The following SMAD3 variants were observed in gnomAD, a reference collection of about 807,000 sequenced individuals.
SMAD3 encodes SMAD family member 3.
In SMAD3, 12 loss-of-function variants were observed where a neutral mutation model predicts 51.8. The observed-to-expected ratio is 0.23, with a 90% CI of 0.15 to 0.38. The LOEUF is 0.38. SMAD3 is among the 10% of genes least tolerant of loss of function. SMAD3 has a pLI of 1.00. For synonymous variants in SMAD3, 238 were observed against 227.7 expected (o/e 1.05, Z -0.41); for missense variants, 294 against 565.6 (o/e 0.52, Z 4.87).
At chr15:67,084,233 A>G (rs11071930) in intron 1 of SMAD3, among the ~76,000 whole-genome samples, 88,029 of 150,558 alleles carry the variant, frequency 0.58, 25,829 homozygotes, top group South Asian at 0.73. Context: ...CTGCCACCAC[A>G]CCTGGCTAAT....
intron 1 of SMAD3, among the ~76,000 whole-genome samples, chr15:67,154,102 G>C (rs936421788): frequency 6.6e-6 from 1 of 152,148 alleles, no homozygotes; most frequent in Non-Finnish European, 1.5e-5. Context: ...ATCTGCCTGG[G>C]GCACTTGTCA....
At chr15:67,178,645 C>T (rs1962969701) in intron 5 of SMAD3, among the ~76,000 whole-genome samples, 1 of 150,564 alleles carries the variant, frequency 6.6e-6, no homozygotes, top group African/African-American at 2.4e-5. Context: ...CATTGCTTGA[C>T]CACTCTGAAT....
intron 4 of SMAD3, among the ~76,000 whole-genome samples, chr15:67,167,799 A>G (rs1962631654): frequency 6.6e-6 from 1 of 152,180 alleles, no homozygotes; most frequent in Non-Finnish European, 1.5e-5. Flanking sequence ...TAGAATGTGT[A>G]CTGAGTTGTG....
At chr15:67,181,065 G>C (rs1019479156) in intron 5 of SMAD3, among the ~76,000 whole-genome samples, 176 bp from the exon 6 acceptor site, 4 of 152,242 alleles carry the variant, frequency 2.6e-5, no homozygotes, top group African/African-American at 9.6e-5. Flanking sequence ...CCAGACACCT[G>C]AGCATCTTGT....
intron 6 of SMAD3, among the ~76,000 whole-genome samples, chr15:67,182,930 G>T (rs1250789293): frequency 7.2e-6 from 1 of 137,982 alleles, no homozygotes; most frequent in Non-Finnish European, 1.5e-5. Context: ...TCAGCCTCCT[G>T]ATTAGCTGGG....
intron 5 of SMAD3, among the ~76,000 whole-genome samples, chr15:67,175,733 T>A (rs1962873660): frequency 6.6e-6 from 1 of 152,190 alleles, no homozygotes; most frequent in South Asian, 2.1e-4. Flanking sequence ...CATGAGCCCC[T>A]GTGCCCATGT....
At chr15:67,067,380 T>A (rs549911901) in intron 1 of SMAD3, among the ~76,000 whole-genome samples, 1 of 152,148 alleles carries the variant, frequency 6.6e-6, no homozygotes, top group East Asian at 1.9e-4. Flanking sequence ...GAACTGGGGG[T>A]GCGGGTACCT....
At chr15:67,158,368 C>T (rs1013961610) in intron 1 of SMAD3, among the ~76,000 whole-genome samples, 1 of 152,186 alleles carries the variant, frequency 6.6e-6, no homozygotes, top group Non-Finnish European at 1.5e-5. Flanking sequence ...GCCCAGACTC[C>T]GAACCAAGAG....
intron 1 of SMAD3, among the ~76,000 whole-genome samples, chr15:67,109,048 T>G (rs576964114): frequency 2.0e-4 from 30 of 152,372 alleles, no homozygotes; most frequent in African/African-American, 7.0e-4. Context: ...CAGTTATTAT[T>G]CGTCTTCGTG....
At chr15:67,149,905 T>A (rs1419724066) in intron 1 of SMAD3, among the ~76,000 whole-genome samples, 1 of 152,236 alleles carries the variant, frequency 6.6e-6, no homozygotes, top group Non-Finnish European at 1.5e-5. Flanking sequence ...CCTCTTTACC[T>A]CCATGGTCCT....
intron 5 of SMAD3, among the ~76,000 whole-genome samples, chr15:67,170,894 G>A (rs1467132355): frequency 6.6e-6 from 1 of 152,232 alleles, no homozygotes; most frequent in Non-Finnish European, 1.5e-5. Context: ...CCAGGAGAAC[G>A]AGGGTCTGTG....
chr15:67,177,704 A>G (rs1006213976), intron 5 of SMAD3, among the ~76,000 whole-genome samples: 2 of 151,480 alleles, frequency 1.3e-5, no homozygotes, highest in African/African-American at 4.9e-5. Flanking sequence ...GATTACAGGT[A>G]TGAACCACTG....
chr15:67,194,706 G>A lies in SMAD3; in HGVS notation c.*4170G>A, dbSNP rs2140335060. ...GAGGGTGTAGTGGCTTTTTGGCTCA[G>A]CATCCAGAAACACCAAACCAGGCTG... On this transcript the variant is annotated 3_prime_UTR_variant, in exon 9 of 9. Coordinates refer to ENST00000327367, the MANE Select transcript of SMAD3 (RefSeq NM_005902.4). 2 of 232,184 alleles carry A rather than the reference G, an allele frequency of 8.6e-6. No individual in the cohort carries two copies. The highest frequency in any genetic ancestry group is 1.1e-4 in the Admixed American group (2 of 17,748). The allele number at this position is 232,184 out of a possible 1,614,324, so 14.4% of individuals were successfully genotyped here. A position where few individuals can be genotyped will look rare whatever the true frequency, so the allele number is the denominator to read the frequency against.
rs113309733 is a variant in SMAD3, at chr15:67,192,613, C to T, written c.*2077C>T. ...CCTAAAAGCCATGGGCAGCAGTTTCCGAGGGCCTGCATGATCCACCTGCTG... is the reference window on the plus strand; with the variant it reads ...CCTAAAAGCCATGGGCAGCAGTTTCTGAGGGCCTGCATGATCCACCTGCTG... On this transcript the variant is annotated 3_prime_UTR_variant, in exon 9 of 9. Coordinates refer to ENST00000327367, the MANE Select transcript of SMAD3 (RefSeq NM_005902.4). The T allele has an allele frequency of 2.1e-5, 5 of 233,222 alleles. No homozygotes were observed. The highest frequency in any genetic ancestry group is 5.6e-5 in the Admixed American group (1 of 17,786). 14.4% of individuals were successfully genotyped at this position (233,222 alleles called of 1,614,324 possible). A position where few individuals can be genotyped will look rare whatever the true frequency, so the allele number is the denominator to read the frequency against.
At chr15:67,184,973 G>T in intron 7 of SMAD3, 109 bp downstream of exon 7, 1 of 1,389,880 alleles carries the variant, frequency 7.2e-7, no homozygotes, top group Admixed American at 1.7e-5. Flanking sequence ...TCATGATTGC[G>T]TTGTCAATCT....
chr15:67,119,278 C>G (rs1243299928), intron 1 of SMAD3, among the ~76,000 whole-genome samples: 1 of 152,202 alleles, frequency 6.6e-6, no homozygotes, highest in Non-Finnish European at 1.5e-5. Flanking sequence ...GGCCTGAAAA[C>G]CATGTGTTTT....
intron 1 of SMAD3, among the ~76,000 whole-genome samples, chr15:67,096,669 G>C (rs1960621306): frequency 6.6e-6 from 1 of 151,748 alleles, no homozygotes; most frequent in Non-Finnish European, 1.5e-5. Context: ...TTGCACAAAG[G>C]GTTCCATATT....
Position 67,187,504 on chromosome 15 carries a change from G to T in SMAD3, c.1149G>T (p.Glu383Asp). The change falls in exon 8 of 9, where the codon GAG becomes GAT. Residue 383 changes from glutamate to aspartate, a missense_variant. By Grantham distance (45) the Glu-to-Asp change is conservative (BLOSUM62 2). This residue lies in a region of SMAD3 where 118 missense variants were observed against 278.0 expected (regional missense o/e 0.42). Transcript: ENST00000327367. ...RMSFVKGWGAEYRRQTVTSTP... is the reference protein window; with the variant it reads ...RMSFVKGWGADYRRQTVTSTP... ...GCTTCGTCAAAGGCTGGGGAGCGGA[G>T]TACAGGTCAGTTATGGGTGCTGCCT... The T allele has an allele frequency of 1.2e-6, 2 of 1,614,178 alleles. No individual in the cohort carries two copies. Among genetic ancestry groups the T allele is most frequent in the Non-Finnish European group, 1.7e-6 (2 of 1,180,032 alleles).
chr15:67,085,138 A>G (rs1960361415), intron 1 of SMAD3, among the ~76,000 whole-genome samples: 1 of 152,218 alleles, frequency 6.6e-6, no homozygotes, highest in African/African-American at 2.4e-5. Context: ...TGAGCATTTC[A>G]GAGGTGAAGC....
Sources: allele counts gnomAD v4.1 joint callset (sites outside exome capture counted in the v4.1 genomes callset), GRCh38; gene constraint gnomAD v4.1.1; regional missense constraint gnomAD v4.1.1; transcripts MANE v1.5; gene names NCBI Gene and HGNC (gene_info 2026-07-23, HGNC 2026-07-21).